Variants in PLA2G4A observed in about 807,000 individuals in gnomAD.
PLA2G4A encodes cytosolic phospholipase A2.
Under a neutral mutation model 81.9 loss-of-function variants are expected in PLA2G4A, and 40 were observed. The ratio of observed to expected loss-of-function variants is 0.49; its 90% confidence interval spans 0.38 to 0.64. The LOEUF is 0.64. Ranked by LOEUF, PLA2G4A falls within the 30% of genes least tolerant of loss-of-function variation. The pLI, the probability that PLA2G4A is intolerant of heterozygous loss-of-function variation, is 0.00. For missense variants in PLA2G4A, 715 were observed against 905.1 expected (o/e 0.79, Z 2.69); for synonymous variants, 302 against 296.9 (o/e 1.02, Z -0.18).
chr1:186,933,552 A>G (rs897303280), intron 8 of PLA2G4A, among the ~76,000 whole-genome samples: 4 of 152,148 alleles, frequency 2.6e-5, no homozygotes, highest in African/African-American at 9.7e-5. Context: ...TGCTTACCTC[A>G]CATAAGCACA....
intron 17 of PLA2G4A, among the ~76,000 whole-genome samples, chr1:186,984,630 AG>A (rs1657834854): frequency 6.6e-6 from 1 of 152,216 alleles, no homozygotes; most frequent in African/African-American, 2.4e-5. Context: ...TGTAGGTACA[AG>A]TAAAAGTTCT....
At chr1:186,981,023 A>C (rs1377433873) in intron 17 of PLA2G4A, among the ~76,000 whole-genome samples, 1 of 152,186 alleles carries the variant, frequency 6.6e-6, no homozygotes, top group Non-Finnish European at 1.5e-5. Flanking sequence ...GTTAAGAGAA[A>C]AAATGATTAA....
intron 1 of PLA2G4A, among the ~76,000 whole-genome samples, chr1:186,841,159 G>T (rs1266134586): frequency 6.6e-6 from 1 of 152,110 alleles, no homozygotes; most frequent in African/African-American, 2.4e-5. Context: ...GTGGGAAGAG[G>T]AATTTTTTAA....
In PLA2G4A at chr1:186,837,755, A is replaced by AAAAG. The variant is rs1553267330; in HGVS notation, c.-70+8724_-70+8727dup. Among the ~76,000 whole-genome samples, 432 of 147,420 alleles carry AAAAG rather than the reference A, an allele frequency of 2.9e-3. 9 individuals carry two copies. Among genetic ancestry groups the AAAAG allele is most frequent in the African/African-American group, 0.011 (415 of 38,854 alleles). On this transcript the variant is annotated intron_variant, in intron 1 of 17. Coordinates refer to ENST00000367466, the MANE Select transcript of PLA2G4A (RefSeq NM_024420.3). Reference sequence around the variant, plus strand: ...CCGTCTCAAAAAAAAAAAAAAAAGAAAAAGAAAAGAAAAAAAGAAAATAAA... The same window carrying AAAAG: ...CCGTCTCAAAAAAAAAAAAAAAAGAAAAAGAAAGAAAAGAAAAAAAGAAAATAAA...
chr1:186,971,409 C>T (rs1024217430), intron 15 of PLA2G4A, among the ~76,000 whole-genome samples: 5 of 151,922 alleles, frequency 3.3e-5, no homozygotes, highest in African/African-American at 1.2e-4. Context: ...ATCATTTTGT[C>T]AATTCTTTTC....
intron 3 of PLA2G4A, among the ~76,000 whole-genome samples, chr1:186,875,798 G>A (rs1653475183): frequency 1.3e-5 from 2 of 152,032 alleles, no homozygotes; most frequent in Admixed American, 6.6e-5. Context: ...CTCCTGCAAA[G>A]AGCTTTGGTT....
At chr1:186,889,491 A>G (rs1654057806) in intron 3 of PLA2G4A, among the ~76,000 whole-genome samples, 1 of 152,226 alleles carries the variant, frequency 6.6e-6, no homozygotes, top group African/African-American at 2.4e-5. Flanking sequence ...GGAAAATTAA[A>G]GGCAGCCTCA....
intron 12 of PLA2G4A, among the ~76,000 whole-genome samples, chr1:186,949,676 TA>T (rs1477471780): frequency 2.0e-5 from 3 of 152,104 alleles, no homozygotes; most frequent in Admixed American, 1.3e-4. Context: ...CTTAAGCATT[TA>T]TTAACCCTTC....
chr1:186,904,860 T>TA (rs111937162), intron 5 of PLA2G4A, among the ~76,000 whole-genome samples: 85,438 of 149,214 alleles, frequency 0.57, 25,641 homozygotes, highest in African/African-American at 0.8. Context: ...TATATATATA[T>TA]TTTTTTTTTT....
intron 7 of PLA2G4A, among the ~76,000 whole-genome samples, chr1:186,917,866 G>A (rs1401817679): frequency 1.3e-5 from 2 of 152,226 alleles, no homozygotes; most frequent in Non-Finnish European, 2.9e-5. Context: ...GCTTTGCCTC[G>A]CATTGTGCTG....
chr1:186,984,676 G>A (rs1338181292), intron 17 of PLA2G4A, among the ~76,000 whole-genome samples: 1 of 152,072 alleles, frequency 6.6e-6, no homozygotes. Context: ...TTACTATTAT[G>A]TATTATTGCC....
chr1:186,869,170 T>C (rs1472424833), intron 2 of PLA2G4A, among the ~76,000 whole-genome samples: 1 of 152,156 alleles, frequency 6.6e-6, no homozygotes, highest in Non-Finnish European at 1.5e-5. Context: ...TTCAGTGCTA[T>C]AAATTTCCCA....
At chr1:186,970,556 T>A (rs7513536) in intron 15 of PLA2G4A, among the ~76,000 whole-genome samples, 11 of 152,022 alleles carry the variant, frequency 7.2e-5, no homozygotes, top group African/African-American at 2.7e-4. Context: ...GATGTTACTC[T>A]TTAATTGATT....
intron 1 of PLA2G4A, among the ~76,000 whole-genome samples, chr1:186,832,199 A>G (rs949515810): frequency 1.3e-5 from 2 of 151,982 alleles, no homozygotes; most frequent in African/African-American, 4.8e-5. Flanking sequence ...ATAGTTTTCC[A>G]CTATTATAAA....
At chr1:186,923,821 G>T (rs773872802) in intron 7 of PLA2G4A, among the ~76,000 whole-genome samples, 3 of 152,194 alleles carry the variant, frequency 2.0e-5, no homozygotes, top group Non-Finnish European at 4.4e-5. Context: ...CTGCCTAATT[G>T]CTTTCTAGTT....
At chr1:186,927,706 T>A (rs1655597831) in intron 7 of PLA2G4A, among the ~76,000 whole-genome samples, 1 of 152,186 alleles carries the variant, frequency 6.6e-6, no homozygotes, top group Non-Finnish European at 1.5e-5. Flanking sequence ...AGTAATTAAT[T>A]CTCCGAGTGC....
intron 10 of PLA2G4A, among the ~76,000 whole-genome samples, chr1:186,944,259 G>C (rs758394906): frequency 1.3e-5 from 2 of 152,086 alleles, no homozygotes; most frequent in African/African-American, 2.4e-5. Context: ...GAGTCAAAAG[G>C]TAGAGTCACC....
chr1:186,891,078 T>C (rs1654119535), intron 3 of PLA2G4A, among the ~76,000 whole-genome samples: 1 of 152,238 alleles, frequency 6.6e-6, no homozygotes, highest in East Asian at 1.9e-4. Flanking sequence ...AGCAGGATGA[T>C]TTTTCTAACA....
chr1:186,972,058 C>G (rs537733220), intron 15 of PLA2G4A, among the ~76,000 whole-genome samples: 3 of 151,970 alleles, frequency 2.0e-5, no homozygotes, highest in Admixed American at 1.3e-4. Context: ...CAAGAAGATA[C>G]AGAAAGATGG....
Sources: gnomAD v4.1 joint callset for allele counts (sites outside exome capture counted in the v4.1 genomes callset) on GRCh38, gnomAD v4.1.1 for gene constraint, MANE v1.5 for transcripts, NCBI Gene and HGNC (gene_info 2026-07-23, HGNC 2026-07-21) for gene names.